DSG1: variants seen among roughly 807,000 people sequenced by gnomAD.
DSG1 encodes the protein desmoglein-1.
DSG1 carries 39 observed loss-of-function variants against 97.5 expected under a neutral mutation model. The observed-to-expected ratio is 0.40, with a 90% CI of 0.31 to 0.52. DSG1 has a LOEUF of 0.52. Ranked by LOEUF, DSG1 falls within the 20% of genes least tolerant of loss-of-function variation. DSG1 has a pLI of 0.53. For missense variants in DSG1, 1,311 were observed against 1,295.4 expected, an observed-to-expected ratio of 1.01 and a Z score of -0.18; for synonymous variants, 475 against 443.4, an observed-to-expected ratio of 1.07 and a Z score of -0.90.
chr18:31,350,260 T>C (rs1317515220), intron 14 of DSG1, among the ~76,000 whole-genome samples: 2 of 139,550 alleles, frequency 1.4e-5, no homozygotes, highest in Admixed American at 1.5e-4. Context: ...ATTTATATGC[T>C]GGATTACATT....
chr18:31,341,122 T>C (rs985295796), intron 11 of DSG1, among the ~76,000 whole-genome samples: 4 of 152,156 alleles, frequency 2.6e-5, no homozygotes, highest in African/African-American at 9.7e-5. Context: ...CCTCGAATGA[T>C]GATAGAAATT....
Position 31,338,437 on chromosome 18 carries a change from C to T in DSG1, c.1388C>T (p.Thr463Met), listed in dbSNP as rs765686900. The T allele has an allele frequency of 7.4e-6, 12 of 1,613,320 alleles. No homozygotes were observed. Among genetic ancestry groups the T allele is most frequent in the South Asian group, 4.4e-5 (4 of 91,074 alleles). The change falls in exon 10 of 15, where the codon ACG (threonine) becomes ATG (methionine). Residue 463 changes from threonine (T) to methionine (M), a missense_variant. Physicochemically the swap from Thr to Met is moderately conservative, Grantham distance 81. Around this residue, in one of 3 missense-constraint regions of DSG1, gnomAD observed 1,038 missense variants for 964.6 expected, o/e 1.08. Transcript: ENST00000257192. ...YNMLGGKYQG[T>M]ILSIDDNLQR... ...ATGCTCGGAGGAAAATACCAAGGAA[C>T]GATTCTCTCTATAGATGGTAAGAAA... is the stretch of plus-strand genomic sequence containing the variant.
In DSG1 at chr18:31,358,753, A is replaced by T. The variant is rs532894371; in HGVS notation, c.*3407A>T. 7.9e-5 allele frequency among the ~76,000 whole-genome samples: 12 copies of T among 152,186 alleles called. No homozygotes were observed. The highest frequency in any genetic ancestry group is 2.9e-4 in the African/African-American group (12 of 41,564). Reference sequence around the variant, plus strand: ...CACATTTTCCCATGCCTATTTCATAAATTCCAACTTTTTTTTTTACAATTT... The same window carrying T: ...CACATTTTCCCATGCCTATTTCATATATTCCAACTTTTTTTTTTACAATTT... On this transcript the variant is annotated 3_prime_UTR_variant, in exon 15 of 15. Transcript: ENST00000257192.
rs554834107 is a variant in DSG1 at position 31,355,637 on chromosome 18, G to A, written c.*291G>A. On this transcript the variant is annotated 3_prime_UTR_variant, in exon 15 of 15. Transcript: ENST00000257192. ...ATCTCCAGCATGTAACTGGCCTTAC[G>A]ATGGCAATTGGCATCATTCTCCTTG... 23 of 425,026 alleles carry A rather than the reference G, an allele frequency of 5.4e-5. No homozygotes were observed. The highest frequency in any genetic ancestry group is 4.4e-4 in the South Asian group (15 of 34,264). The allele number at this position is 425,026 out of a possible 1,614,324, so 26.3% of individuals were successfully genotyped here.
At chr18:31,323,721 TCTC>T (rs1033109068) in intron 1 of DSG1, among the ~76,000 whole-genome samples, 1 of 152,084 alleles carries the variant, frequency 6.6e-6, no homozygotes, top group Non-Finnish European at 1.5e-5. Flanking sequence ...TATGTCCTCC[TCTC>T]CTCCTCTCAT....
chr18:31,336,115 C>T (rs1003493011), intron 8 of DSG1, among the ~76,000 whole-genome samples: 1 of 152,026 alleles, frequency 6.6e-6, no homozygotes, highest in African/African-American at 2.4e-5. Flanking sequence ...TCAGAGCTCA[C>T]GTCATATGTT....
At position 31,333,809 on chromosome 18, in the gene DSG1, T is replaced by C. The variant is rs2071735209; in HGVS notation, c.819+86T>C. On this transcript the variant is annotated intron_variant, in intron 7 of 14. Coordinates refer to ENST00000257192, the MANE Select transcript of DSG1 (RefSeq NM_001942.4). The stretch of plus-strand genomic sequence containing the variant: ...ACAATTCTGCTTACAGAGGCACATG[T>C]TATGTTTATTGACATACAACCCAAA... The C allele has an allele frequency of 6.0e-6, 9 of 1,512,170 alleles. No homozygotes were observed. The Admixed American group carries it at 1.5e-4, about 26-fold the overall frequency. 93.7% of individuals were successfully genotyped at this position (1,512,170 alleles called of 1,614,324 possible).
chr18:31,339,706 T>C (rs573404846), intron 10 of DSG1, 38 bp from the exon 11 acceptor site: 5 of 1,507,150 alleles, frequency 3.3e-6, no homozygotes, highest in Non-Finnish European at 4.6e-6. Context: ...CTACACTAAA[T>C]GTCTAAAATA....
chr18:31,318,389 T>C, intron 1 of DSG1, 41 bp downstream of exon 1: 1 of 1,563,728 alleles, frequency 6.4e-7, no homozygotes, highest in Non-Finnish European at 8.8e-7. Flanking sequence ...ATCGTGCCCA[T>C]TGTAAACAAG....
intron 6 of DSG1, 76 bp downstream of exon 6, chr18:31,331,943 G>A (rs2071723901): frequency 4.3e-6 from 6 of 1,410,270 alleles, no homozygotes; most frequent in Non-Finnish European, 2.0e-6. Context: ...AAGAGACAAA[G>A]AGATGAAGAA....
intron 1 of DSG1, among the ~76,000 whole-genome samples, chr18:31,323,295 C>T (rs2071664953): frequency 6.6e-6 from 1 of 152,186 alleles, no homozygotes; most frequent in Non-Finnish European, 1.5e-5. Flanking sequence ...AATAACCTCA[C>T]CCTTACTCCA....
intron 13 of DSG1, 139 bp from the exon 14 acceptor site, chr18:31,345,851 T>G: frequency 1.5e-6 from 1 of 655,940 alleles, no homozygotes; most frequent in Non-Finnish European, 2.7e-6. Flanking sequence ...TATATCTCCT[T>G]TCTTTATGTA....
chr18:31,355,551 T>C lies in DSG1; in HGVS notation c.*205T>C. 4.9e-6 allele frequency: 3 copies of C among 609,140 alleles called. No homozygotes were observed. Among genetic ancestry groups the C allele is most frequent in the Middle Eastern group, 4.6e-4 (1 of 2,184 alleles). The allele number at this position is 609,140 out of a possible 1,614,324, so 37.7% of individuals were successfully genotyped here. ...GCATTCATAAACTTTTCTCTTATAT[T>C]AGGACTAAGGAACTAAAACTTGAGG... On this transcript the variant is annotated 3_prime_UTR_variant, in exon 15 of 15. Coordinates refer to ENST00000257192, the MANE Select transcript of DSG1 (RefSeq NM_001942.4).
intron 1 of DSG1, among the ~76,000 whole-genome samples, chr18:31,319,916 G>A (rs557800530): frequency 9.4e-4 from 143 of 151,440 alleles, no homozygotes; most frequent in Non-Finnish European, 2.4e-4. Flanking sequence ...GTTGGCTTAT[G>A]GGGGTTTTTT....
intron 11 of DSG1, among the ~76,000 whole-genome samples, chr18:31,341,166 G>A (rs1191210321): frequency 1.3e-5 from 2 of 152,190 alleles, no homozygotes; most frequent in African/African-American, 4.8e-5. Flanking sequence ...CAGTCTTCGG[G>A]AAATGAGAAC....
chr18:31,325,011 A>G (rs990350073), intron 1 of DSG1, among the ~76,000 whole-genome samples: 4 of 152,246 alleles, frequency 2.6e-5, no homozygotes, highest in African/African-American at 9.6e-5. Context: ...AATTGGGGAA[A>G]TACGTTGAAG....
At chr18:31,336,288 G>C in intron 8 of DSG1, 66 bp from the exon 9 acceptor site, 3 of 1,462,678 alleles carry the variant, frequency 2.1e-6, no homozygotes, top group Non-Finnish European at 1.9e-6. Context: ...TATTATCAAA[G>C]GATTTTCTTT....
In DSG1 at chr18:31,334,082, G is replaced by C. The variant is rs1239241533; in HGVS notation, c.885G>C (p.Leu295Phe). Reference protein sequence around the residue: ...SNLLEIRVIDLDEEFSANWMA... With the variant: ...SNLLEIRVIDFDEEFSANWMA... ...TGCTCGAGATTAGAGTAATTGATTTGGATGAAGAGTTCTCAGCTAACTGGA... is the reference window on the plus strand; with the variant it reads ...TGCTCGAGATTAGAGTAATTGATTTCGATGAAGAGTTCTCAGCTAACTGGA... Residue 295 changes from leucine (L) to phenylalanine (F), a missense_variant, in exon 8 of 15, where the codon TTG becomes TTC. By Grantham distance (22) the Leu-to-Phe change is conservative. Around this residue, in one of 3 missense-constraint regions of DSG1, gnomAD observed 1,038 missense variants for 964.6 expected, o/e 1.08. Transcript: ENST00000257192. 1 of 1,610,642 alleles carries C rather than the reference G, an allele frequency of 6.2e-7. No individual in the cohort carries two copies. The highest frequency in any genetic ancestry group is 1.7e-5 in the Admixed American group (1 of 59,982).
At chr18:31,342,597 C>T (rs1293883824) in intron 11 of DSG1, among the ~76,000 whole-genome samples, 1 of 152,076 alleles carries the variant, frequency 6.6e-6, no homozygotes. Context: ...CTCCACTTAA[C>T]AGCAAAAGAC....
Sources: gnomAD v4.1 joint callset for allele counts (sites outside exome capture counted in the v4.1 genomes callset) on GRCh38, gnomAD v4.1.1 for gene constraint, gnomAD v4.1.1 regional missense constraint, MANE v1.5 for transcripts, NCBI Gene and HGNC (gene_info 2026-07-23, HGNC 2026-07-21) for gene names.